The following RANBP17 variants were observed in gnomAD, a reference collection of about 807,000 sequenced individuals.
RANBP17 encodes RAN binding protein 17.
A neutral mutation model predicts 141.2 loss-of-function variants in RANBP17; 158 were observed. The ratio of observed to expected loss-of-function variants is 1.12; its 90% CI spans 0.98 to 1.28. RANBP17 has a LOEUF of 1.28. Among genes scored for constraint, RANBP17 ranks in the 50% most tolerant of loss-of-function variants. RANBP17 has a pLI of 0.00. For synonymous variants in RANBP17, 430 were observed against 450.0 expected, an observed-to-expected ratio of 0.96 and a Z score of 0.56; for missense variants, 1,438 against 1,290.7, an observed-to-expected ratio of 1.11 and a Z score of -1.75.
intron 14 of RANBP17, among the ~76,000 whole-genome samples, chr5:171,046,339 G>A (rs370994243): frequency 1.6e-4 from 24 of 151,592 alleles, no homozygotes; most frequent in South Asian, 1.5e-3. Flanking sequence ...CTCCCGAGTA[G>A]CTGGGACTAC....
At chr5:170,919,681 T>C (rs1018189734) in intron 11 of RANBP17, 68 bp downstream of exon 11, 1 of 1,297,938 alleles carries the variant, frequency 7.7e-7, no homozygotes, top group Non-Finnish European at 1.1e-6. Context: ...GATAAAGTTA[T>C]AAATTTAAAA....
chr5:170,966,338 A>G (rs1776562444), intron 13 of RANBP17, among the ~76,000 whole-genome samples: 1 of 152,190 alleles, frequency 6.6e-6, no homozygotes, highest in African/African-American at 2.4e-5. Context: ...CAAAAAGCTT[A>G]TCCACCATGA....
intron 14 of RANBP17, among the ~76,000 whole-genome samples, chr5:171,134,138 T>C (rs1757108863): frequency 6.6e-6 from 1 of 152,334 alleles, no homozygotes; most frequent in East Asian, 1.9e-4. Flanking sequence ...TGGATTCCTT[T>C]CTAAAATAAG....
intron 14 of RANBP17, among the ~76,000 whole-genome samples, chr5:171,131,836 G>T (rs963015939): frequency 5.3e-5 from 8 of 152,104 alleles, no homozygotes; most frequent in Admixed American, 6.5e-5. Context: ...TAACTATTTT[G>T]TTTGTTTGTA....
intron 14 of RANBP17, among the ~76,000 whole-genome samples, chr5:171,132,499 G>T (rs1392928560): frequency 6.6e-6 from 1 of 151,928 alleles, no homozygotes; most frequent in Admixed American, 6.6e-5. Flanking sequence ...GAGATGGGAG[G>T]ATCACTCAAG....
At chr5:170,967,712 T>G (rs1248000567) in intron 13 of RANBP17, among the ~76,000 whole-genome samples, 1 of 151,736 alleles carries the variant, frequency 6.6e-6, no homozygotes, top group East Asian at 1.9e-4. Flanking sequence ...CACCTTGTAG[T>G]TTATTTAAGG....
At chr5:170,927,663 T>A (rs1460921743) in intron 12 of RANBP17, among the ~76,000 whole-genome samples, 1 of 152,118 alleles carries the variant, frequency 6.6e-6, no homozygotes, top group Non-Finnish European at 1.5e-5. Flanking sequence ...TTTTCCTTTT[T>A]TTCTTTGCAT....
At chr5:171,110,180 C>T (rs977256668) in intron 14 of RANBP17, among the ~76,000 whole-genome samples, 4 of 151,900 alleles carry the variant, frequency 2.6e-5, no homozygotes, top group Non-Finnish European at 5.9e-5. Flanking sequence ...CTGTTACTTC[C>T]TGGCTCTGTG....
chr5:171,296,224 A>T (rs1466715549), intron 27 of RANBP17, among the ~76,000 whole-genome samples: 1 of 152,200 alleles, frequency 6.6e-6, no homozygotes, highest in East Asian at 1.9e-4. Context: ...AGGGATGCAG[A>T]GATTAATAAA....
chr5:170,928,777 T>C (rs918517416), intron 12 of RANBP17, among the ~76,000 whole-genome samples: 32 of 152,050 alleles, frequency 2.1e-4, no homozygotes, highest in Admixed American at 2.1e-3. Context: ...AACCTTTTTT[T>C]TTTTTCAAAA....
At chr5:171,014,978 T>A (rs1780332453) in intron 14 of RANBP17, among the ~76,000 whole-genome samples, 1 of 152,118 alleles carries the variant, frequency 6.6e-6, no homozygotes, top group African/African-American at 2.4e-5. Flanking sequence ...ATTAAAGAAG[T>A]TGTGTCATTG....
At chr5:171,176,760 A>T (rs953099170) in intron 16 of RANBP17, among the ~76,000 whole-genome samples, 9 of 152,318 alleles carry the variant, frequency 5.9e-5, no homozygotes, top group Middle Eastern at 3.4e-3. Flanking sequence ...ACATAAGCTT[A>T]TAGATAAACC....
At chr5:171,190,148 G>GT (rs2127938380) in intron 18 of RANBP17, among the ~76,000 whole-genome samples, 1 of 152,262 alleles carries the variant, frequency 6.6e-6, no homozygotes, top group Non-Finnish European at 1.5e-5. Flanking sequence ...AAAATGTCTT[G>GT]TGTATAAGCC....
intron 14 of RANBP17, among the ~76,000 whole-genome samples, chr5:171,003,536 T>TA (rs1014309655): frequency 4.6e-5 from 7 of 152,130 alleles, no homozygotes; most frequent in African/African-American, 1.4e-4. Flanking sequence ...CCGAGGTAGG[T>TA]AACGGATGGA....
At chr5:170,939,305 G>A (rs552118019) in intron 12 of RANBP17, among the ~76,000 whole-genome samples, 2 of 152,066 alleles carry the variant, frequency 1.3e-5, no homozygotes, top group African/African-American at 4.8e-5. Context: ...GAAGGGGCAT[G>A]GTCCCAGAAG....
intron 14 of RANBP17, among the ~76,000 whole-genome samples, chr5:171,082,031 A>G (rs1019147335): frequency 6.6e-6 from 1 of 152,186 alleles, no homozygotes; most frequent in Middle Eastern, 3.4e-3. Flanking sequence ...TTTCCTTCAC[A>G]TACTTCTAAT....
At chr5:170,960,557 G>A (rs1246858171) in intron 13 of RANBP17, among the ~76,000 whole-genome samples, 1 of 152,200 alleles carries the variant, frequency 6.6e-6, no homozygotes, top group East Asian at 1.9e-4. Flanking sequence ...ATCAAGTCCT[G>A]TCAGTTCTAT....
rs9637853 is a variant in RANBP17 at position 170,893,911 on chromosome 5, G to A, written c.423+1358G>A. 3.3e-4 allele frequency among the ~76,000 whole-genome samples: 50 copies of A among 152,048 alleles called. 2 individuals are homozygous for A. Among genetic ancestry groups the A allele is most frequent in the African/African-American group, 1.1e-3 (45 of 41,428 alleles). The stretch of plus-strand genomic sequence containing the variant: ...TTGAGTATGGGCAATTTTGACTTTC[G>A]GAGATTTTACTTTTATGCAGTAACT... On this transcript the variant is annotated intron_variant, in intron 4 of 27. Transcript: ENST00000523189.
At chr5:171,248,038 G>A (rs930172766) in intron 24 of RANBP17, among the ~76,000 whole-genome samples, 2 of 152,122 alleles carry the variant, frequency 1.3e-5, no homozygotes. Context: ...ACCTCGAATA[G>A]AACATCTAGA....
Sources: gnomAD v4.1 joint callset for allele counts (sites outside exome capture counted in the v4.1 genomes callset) on GRCh38, gnomAD v4.1.1 for gene constraint, MANE v1.5 for transcripts, NCBI Gene and HGNC (gene_info 2026-07-23, HGNC 2026-07-21) for gene names.